C2CD3: variants seen among roughly 807,000 people sequenced by gnomAD.
C2CD3 encodes the protein C2 domain-containing protein 3.
C2CD3 carries 148 observed loss-of-function variants against 234.0 expected under a neutral mutation model. The ratio of observed to expected loss-of-function variants is 0.63; its 90% CI spans 0.55 to 0.72. The LOEUF (loss-of-function observed/expected upper bound fraction) is 0.72, where lower values mean the gene tolerates loss of function less well. Among genes scored for constraint, C2CD3 ranks in the 30% least tolerant of loss-of-function variants. The pLI is 0.00. For synonymous variants in C2CD3, 1,000 were observed against 1,035.4 expected, an observed-to-expected ratio of 0.97 and a Z score of 0.66; for missense variants, 2,577 against 2,811.5, an observed-to-expected ratio of 0.92 and a Z score of 1.89.
At chr11:74,133,319 T>C (rs999384325) in intron 6 of C2CD3, 106 bp downstream of exon 6, 8 of 1,008,272 alleles carry the variant, frequency 7.9e-6, no homozygotes, top group Non-Finnish European at 1.0e-5. Context: ...TCAGGAATTA[T>C]TTGATAAGCA....
intron 2 of C2CD3, chr11:74,164,377 A>G (rs749957175): frequency 3.4e-5 from 8 of 237,956 alleles, no homozygotes; most frequent in Non-Finnish European, 5.4e-5. Flanking sequence ...AGGAAGAAAG[A>G]TGTAAGAGTA....
chr11:74,019,146 C>T (rs1475797488), intron 32 of C2CD3, among the ~76,000 whole-genome samples: 19 of 152,086 alleles, frequency 1.2e-4, no homozygotes, highest in Non-Finnish European at 5.9e-5. Flanking sequence ...GCTCCAAAGT[C>T]CAGGTTTTGA....
Position 74,116,987 on chromosome 11 carries a change from C to CAT in C2CD3, c.1520+1239_1520+1240dup, listed in dbSNP as rs372786997. On this transcript the variant is annotated intron_variant, in intron 9 of 32. Coordinates refer to ENST00000334126, the MANE Select transcript of C2CD3 (RefSeq NM_001286577.2). ...ATACACATATACACGTATATATACA[C>CAT]ATATACGTGTATATGTATATATACA... 8.6e-4 allele frequency among the ~76,000 whole-genome samples: 63 copies of CAT among 73,182 alleles called. 1 individual carries two copies. Among genetic ancestry groups the CAT allele is most frequent in the Non-Finnish European group, 1.5e-3 (52 of 34,754 alleles). 48.0% of individuals were successfully genotyped at this position (73,182 alleles called of 152,430 possible). A position where few individuals can be genotyped will look rare whatever the true frequency, so the allele number is the denominator to read the frequency against.
chr11:74,131,425 C>T (rs1957677985), intron 7 of C2CD3, among the ~76,000 whole-genome samples: 1 of 151,630 alleles, frequency 6.6e-6, no homozygotes. Flanking sequence ...GTCAAACTAA[C>T]TCTCATTCCT....
In C2CD3 at chr11:74,029,606, CCAGA is replaced by C. The variant is rs138285937; in HGVS notation, c.6810-1212_6810-1209del. Among the ~76,000 whole-genome samples the C allele has an allele frequency of 2.4e-3, 369 of 152,334 alleles. 10 individuals are homozygous for C. In the East Asian group the frequency reaches 0.062, roughly 26 times the overall value. ...CTGTTGCTGAAACTGCTGGGGACTG[CCAGA>C]CAGCCAGCTGATGCTGTGGGGAAGA... On this transcript the variant is annotated intron_variant, in intron 31 of 32. Transcript: ENST00000334126.
At chr11:74,072,048 G>T (rs187385814) in intron 24 of C2CD3, among the ~76,000 whole-genome samples, 4 of 151,846 alleles carry the variant, frequency 2.6e-5, no homozygotes, top group East Asian at 3.9e-4. Context: ...AATAAAAGAA[G>T]CTTTTTAATA....
chr11:74,165,454 C>T (rs1389046147), intron 2 of C2CD3, among the ~76,000 whole-genome samples: 2 of 152,062 alleles, frequency 1.3e-5, no homozygotes, highest in African/African-American at 4.8e-5. Flanking sequence ...ATGGTTCATG[C>T]TAATATGTGA....
intron 32 of C2CD3, among the ~76,000 whole-genome samples, chr11:74,026,920 G>A (rs1260775230): frequency 3.0e-5 from 4 of 132,814 alleles, no homozygotes; most frequent in South Asian, 2.3e-4. Flanking sequence ...GCAGTGAGCC[G>A]AGATCACACC....
At chr11:74,160,652 T>C (rs1565357666) in intron 3 of C2CD3, among the ~76,000 whole-genome samples, 1 of 152,128 alleles carries the variant, frequency 6.6e-6, no homozygotes, top group Non-Finnish European at 1.5e-5. Flanking sequence ...TTAGGAGGAA[T>C]AAATTCTGGT....
At chr11:74,066,592 A>C (rs826032) in intron 24 of C2CD3, among the ~76,000 whole-genome samples, 6,973 of 152,122 alleles carry the variant, frequency 0.046, 464 homozygotes, top group African/African-American at 0.15. Context: ...GGGAAAGAAA[A>C]GTAGCTACAG....
At chr11:74,081,100 T>C (rs1288655784) in intron 22 of C2CD3, among the ~76,000 whole-genome samples, 2 of 152,202 alleles carry the variant, frequency 1.3e-5, no homozygotes, top group Admixed American at 1.3e-4. Context: ...GGCAGGAAGA[T>C]TGACAACAGA....
intron 32 of C2CD3, among the ~76,000 whole-genome samples, chr11:74,026,176 T>C (rs1213576424): frequency 2.0e-5 from 3 of 152,172 alleles, no homozygotes; most frequent in African/African-American, 7.2e-5. Flanking sequence ...GTTGTGGTGG[T>C]GCACACCTGT....
At chr11:74,061,330 TCAC>T (rs1370359953) in intron 24 of C2CD3, among the ~76,000 whole-genome samples, 1 of 152,186 alleles carries the variant, frequency 6.6e-6, no homozygotes, top group Non-Finnish European at 1.5e-5. Flanking sequence ...ATTGTCAGAT[TCAC>T]CAAAGTTGAA....
chr11:74,066,401 TG>T (rs1485269973), intron 24 of C2CD3, among the ~76,000 whole-genome samples: 1 of 151,340 alleles, frequency 6.6e-6, no homozygotes, highest in East Asian at 1.9e-4. Flanking sequence ...GTTGTGCACA[TG>T]TACCCTAGAA....
chr11:74,030,550 C>T (rs80088162), intron 31 of C2CD3, among the ~76,000 whole-genome samples: 3,999 of 152,278 alleles, frequency 0.026, 167 homozygotes, highest in African/African-American at 0.09. Context: ...CCTCTCTCTC[C>T]GCTGCTTCTC....
chr11:74,130,099 AGGGAGAGGGAGACCGTGGGGAGG>A (rs1207682294), intron 7 of C2CD3: 1 of 77,388 alleles, frequency 1.3e-5, no homozygotes, highest in Non-Finnish European at 2.5e-5. Flanking sequence ...GGAGAGGGAG[AGGGAGAGGGAGACCGTGGGGAGG>A]GGGAGAGGGA....
chr11:74,167,296 G>A (rs900484035), intron 2 of C2CD3, among the ~76,000 whole-genome samples: 7 of 152,102 alleles, frequency 4.6e-5, no homozygotes, highest in African/African-American at 1.4e-4. Flanking sequence ...AATACTACCT[G>A]AGGATTTAAT....
chr11:74,049,524 C>G lies in C2CD3; in HGVS notation c.5174G>C (p.Gly1725Ala), dbSNP rs1398035881. The G allele has an allele frequency of 6.2e-7, 1 of 1,612,204 alleles. No homozygotes were observed. The stretch of plus-strand genomic sequence containing the variant: ...TGGGGAGAGGTCCACCGAGGCAAAG[C>G]CAATCACCCTCTCCTCATCTGTAGA... ...WHKGDEERVI[G>A]FASVDLSPLL... The change falls in exon 27 of 33, where the codon GGC (glycine) becomes GCC (alanine). Residue 1725 changes from glycine to alanine, a missense_variant. Gly to Ala is a moderately conservative substitution (Grantham distance 60, BLOSUM62 0). Coordinates refer to ENST00000334126, the MANE Select transcript of C2CD3 (RefSeq NM_001286577.2).
intron 12 of C2CD3, among the ~76,000 whole-genome samples, chr11:74,108,461 G>A (rs1956616513): frequency 6.6e-6 from 1 of 152,122 alleles, no homozygotes; most frequent in Non-Finnish European, 1.5e-5. Context: ...TTTACATTAT[G>A]CCAGCTGCAA....
Sources: allele counts gnomAD v4.1 joint callset (sites outside exome capture counted in the v4.1 genomes callset), GRCh38; gene constraint gnomAD v4.1.1; transcripts MANE v1.5; gene names NCBI Gene and HGNC (gene_info 2026-07-23, HGNC 2026-07-21).